Variants in MTNR1B observed in about 807,000 individuals in gnomAD.
MTNR1B encodes melatonin receptor 1B, also known as melatonin receptor type 1B.
A neutral mutation model predicts 7.0 loss-of-function variants in MTNR1B; 7 were observed. The ratio of observed to expected loss-of-function variants is 1.00; its 90% CI spans 0.57 to 1.88. The LOEUF (loss-of-function observed/expected upper bound fraction) is 1.88. Ranked by LOEUF, MTNR1B falls within the 40% of genes most tolerant of loss-of-function variation. The pLI is 0.00. For missense variants in MTNR1B, 478 were observed against 486.5 expected, an observed-to-expected ratio of 0.98 and a Z score of 0.16; for synonymous variants, 226 against 208.2, an observed-to-expected ratio of 1.09 and a Z score of -0.74.
At position 92,982,207 on chromosome 11, in the gene MTNR1B, C is replaced by T. The variant is rs1293362923; in HGVS notation, c.984C>T (p.Asn328=). Residue 328 remains asparagine (N), a synonymous_variant, in exon 2 of 2, where the codon AAC becomes AAT. Transcript: ENST00000257068. ...EYKRILLALW[N]PRHCIQDASK... ...AGAGGATCCTCTTGGCCCTTTGGAA[C>T]CCACGGCACTGCATTCAAGATGCTT... is the stretch of plus-strand genomic sequence containing the variant. The T allele has an allele frequency of 1.2e-6, 2 of 1,614,222 alleles. No homozygotes were observed. The highest frequency in any genetic ancestry group is 1.1e-5 in the South Asian group (1 of 91,088).
chr11:92,982,251 AG>A lies in MTNR1B; in HGVS notation c.1032del (p.Leu345CysfsTer32). 3.1e-6 allele frequency: 5 copies of A among 1,614,158 alleles called. No individual in the cohort carries two copies. Among genetic ancestry groups the A allele is most frequent in the Non-Finnish European group, 4.2e-6 (5 of 1,180,006 alleles). On this transcript the variant is annotated frameshift_variant, in exon 2 of 2. Transcript: ENST00000257068. LOFTEE classifies it low-confidence loss of function (END_TRUNC). ...GATGCTTCCAAGGGCAGCCACGCGGAGGGGCTGCAGAGCCCAGCTCCACCCA... is the reference window on the plus strand; with the variant it reads ...GATGCTTCCAAGGGCAGCCACGCGGAGGGCTGCAGAGCCCAGCTCCACCCA... ...IQDASKGSHAEGLQSPAPPII... is the reference protein window; with the variant it reads ...IQDASKGSHAXGLQSPAPPII...
At position 92,969,710 on chromosome 11, in the gene MTNR1B, C is replaced by A. The variant is rs542535598; in HGVS notation, c.-16C>A. On this transcript the variant is annotated 5_prime_UTR_variant, in exon 1 of 2. Transcript: ENST00000257068. ...GGGCCGCGCGGTGGCCAAAGCACAGCGCGGGAGAGTCTGCGATGTCAGAGA... is the reference window on the plus strand; with the variant it reads ...GGGCCGCGCGGTGGCCAAAGCACAGAGCGGGAGAGTCTGCGATGTCAGAGA... 2.7e-6 allele frequency: 4 copies of A among 1,459,954 alleles called. No individual in the cohort carries two copies. The South Asian group carries it at 5.6e-5, about 21-fold the overall frequency. 90.4% of individuals were successfully genotyped at this position (1,459,954 alleles called of 1,614,324 possible). A position where few individuals can be genotyped will look rare whatever the true frequency, so the allele number is the denominator to read the frequency against.
chr11:92,984,595 G>T (rs1190789771), downstream of MTNR1B, among the ~76,000 whole-genome samples: 7 of 152,152 alleles, frequency 4.6e-5, no homozygotes, highest in Non-Finnish European at 8.8e-5. Context: ...TTCCTAATTT[G>T]GAGGAGAAGG....
intron 1 of MTNR1B, among the ~76,000 whole-genome samples, chr11:92,970,798 GTT>G (rs1204014863): frequency 3.9e-5 from 6 of 152,166 alleles, no homozygotes; most frequent in Non-Finnish European, 7.4e-5. Context: ...TAATTTTGCA[GTT>G]TCTTCAAGTT....
chr11:92,977,705 CTTT>C (rs1858031940), intron 1 of MTNR1B, among the ~76,000 whole-genome samples: 1 of 152,232 alleles, frequency 6.6e-6, no homozygotes, highest in Non-Finnish European at 1.5e-5. Flanking sequence ...CTACTGTTTT[CTTT>C]TGTTTCCCTA....
chr11:92,972,322 T>G, intron 1 of MTNR1B: 1 of 436,004 alleles, frequency 2.3e-6, no homozygotes, highest in Non-Finnish European at 4.6e-6. Flanking sequence ...GGTCACAGCA[T>G]GTTTCCCAGG....
chr11:92,971,274 T>C (rs1857918399), intron 1 of MTNR1B, among the ~76,000 whole-genome samples: 1 of 152,124 alleles, frequency 6.6e-6, no homozygotes, highest in African/African-American at 2.4e-5. Flanking sequence ...TCTAGGATTT[T>C]TAGCTAAAAA....
At position 92,979,610 on chromosome 11, in the gene MTNR1B, G is replaced by A. The variant is rs140134864; in HGVS notation, c.224-1837G>A. 2.5e-3 allele frequency among the ~76,000 whole-genome samples: 384 copies of A among 152,254 alleles called. 1 individual carries two copies. Among genetic ancestry groups the A allele is most frequent in the Non-Finnish European group, 4.2e-3 (286 of 68,012 alleles). ...CAGGGAAACTCACTACCTCACAAGC[G>A]CTCTAATTGTCCAGACAATCTCCTT... On this transcript the variant is annotated intron_variant, in intron 1 of 1. Transcript: ENST00000257068.
At chr11:92,972,051 G>A (rs755125629) in intron 1 of MTNR1B, among the ~76,000 whole-genome samples, 4 of 152,168 alleles carry the variant, frequency 2.6e-5, no homozygotes, top group Non-Finnish European at 2.9e-5. Flanking sequence ...AACAATTGTA[G>A]TACTGACTTG....
intron 1 of MTNR1B, among the ~76,000 whole-genome samples, chr11:92,977,045 A>G (rs1267050843): frequency 2.6e-5 from 4 of 152,320 alleles, no homozygotes; most frequent in African/African-American, 7.2e-5. Context: ...TTTCAAAATG[A>G]TCTCTTTTGA....
chr11:92,979,059 G>A (rs1414356017), intron 1 of MTNR1B, among the ~76,000 whole-genome samples: 1 of 152,204 alleles, frequency 6.6e-6, no homozygotes, highest in East Asian at 1.9e-4. Flanking sequence ...GTGTGCAGGG[G>A]GAAGTGATGG....
chr11:92,974,747 C>T (rs936253597), intron 1 of MTNR1B, among the ~76,000 whole-genome samples: 11 of 152,078 alleles, frequency 7.2e-5, no homozygotes, highest in African/African-American at 1.4e-4. Flanking sequence ...GGACTACAGG[C>T]GACCGCCACC....
In MTNR1B at chr11:92,976,310, A is replaced by G. The variant is rs185636060; in HGVS notation, c.224-5137A>G. Among the ~76,000 whole-genome samples the G allele has an allele frequency of 2.8e-3, 419 of 152,318 alleles. 3 individuals are homozygous for G. Among genetic ancestry groups the G allele is most frequent in the African/African-American group, 9.6e-3 (400 of 41,582 alleles). On this transcript the variant is annotated intron_variant, in intron 1 of 1. Transcript: ENST00000257068. ...AGCCCCAGTTCTTAGGGAGTTTGCC[A>G]TCTAGAAGGAATGTCCTACTTTCTT...
chr11:92,969,924 AGGAACCGCAAGCTCC>A lies in MTNR1B; in HGVS notation c.205_219del (p.Arg69_Asn73del), dbSNP rs772810939. ...CCTCCTGGTGATCCTCTCCGTGCTC[AGGAACCGCAAGCTCC>A]GGAACGCAGGTGAGCACCATTCCTG... On this transcript the variant is annotated inframe_deletion, in exon 1 of 2. Coordinates refer to ENST00000257068, the MANE Select transcript of MTNR1B (RefSeq NM_005959.5). 2 of 1,611,376 alleles carry A rather than the reference AGGAACCGCAAGCTCC, an allele frequency of 1.2e-6. No individual in the cohort carries two copies. Among genetic ancestry groups the A allele is most frequent in the East Asian group, 4.5e-5 (2 of 44,778 alleles).
chr11:92,974,974 G>T (rs80335355), intron 1 of MTNR1B, among the ~76,000 whole-genome samples: 3 of 152,096 alleles, frequency 2.0e-5, no homozygotes, highest in African/African-American at 7.2e-5. Context: ...CTGACCTCAG[G>T]TGATCCACCC....
chr11:92,977,584 G>A (rs1345404965), intron 1 of MTNR1B, among the ~76,000 whole-genome samples: 1 of 152,140 alleles, frequency 6.6e-6, no homozygotes, highest in African/African-American at 2.4e-5. Flanking sequence ...TGTCGTGCCT[G>A]ACCAACCCCA....
At position 92,970,528 on chromosome 11, in the gene MTNR1B, CT is replaced by C. The variant is rs544118544; in HGVS notation, c.223+583del. Among the ~76,000 whole-genome samples the C allele has an allele frequency of 7.2e-5, 11 of 152,298 alleles. No individual in the cohort carries two copies. In the South Asian group the frequency reaches 2.3e-3, roughly 32 times the overall value. On this transcript the variant is annotated intron_variant, in intron 1 of 1. Transcript: ENST00000257068. The stretch of plus-strand genomic sequence containing the variant: ...ATTCTGCTTGGACTGAACTAAATTG[CT>C]TTGAAATATTGTGGTCTTTTCCGAA...
intron 1 of MTNR1B, among the ~76,000 whole-genome samples, chr11:92,979,590 A>C (rs1319792272): frequency 1.3e-5 from 2 of 152,180 alleles, no homozygotes; most frequent in Non-Finnish European, 2.9e-5. Context: ...TGAGACAGGG[A>C]AACTCACTAC....
Position 92,969,789 on chromosome 11 carries a change from TGGTCGGGGGCTGGCAGCGCGCGGCCC to T in MTNR1B, c.65_90del (p.Trp22PhefsTer46). The T allele has an allele frequency of 6.5e-7, 1 of 1,549,646 alleles. No individual in the cohort carries two copies. The highest frequency in any genetic ancestry group is 1.2e-5 in the South Asian group (1 of 84,506). On this transcript the variant is annotated frameshift_variant, in exon 1 of 2. Transcript: ENST00000257068. LOFTEE classifies it high-confidence loss of function. The stretch of plus-strand genomic sequence containing the variant: ...GGGCGGGTGGGCAGTGCGCCCGGGC[TGGTCGGGGGCTGGCAGCGCGCGGCCC>T]TCCAGGACCCCTCGACCTCCCTGGG...
Sources: gnomAD v4.1 joint callset for allele counts (sites outside exome capture counted in the v4.1 genomes callset) on GRCh38, gnomAD v4.1.1 for gene constraint, MANE v1.5 for transcripts, NCBI Gene and HGNC (gene_info 2026-07-23, HGNC 2026-07-21) for gene names.